Variants in COPS9 observed in about 807,000 individuals in gnomAD.
COPS9 encodes COP9 signalosome complex subunit 9.
A neutral mutation model predicts 7.2 loss-of-function variants in COPS9; 8 were observed. The ratio of observed to expected loss-of-function variants is 1.11; its 90% confidence interval spans 0.65 to 2.00. The LOEUF (loss-of-function observed/expected upper bound fraction) is 2.00, where lower values mean the gene tolerates loss of function less well. Ranked by LOEUF, COPS9 falls within the 30% of genes most tolerant of loss-of-function variation. COPS9 has a pLI of 0.00. For synonymous variants in COPS9, 39 were observed against 28.7 expected (o/e 1.36, Z -1.14); for missense variants, 74 against 77.7 (o/e 0.95, Z 0.18).
At chr2:240,129,772 C>T (rs764357661), downstream of COPS9, 83 of 660,694 alleles carry the variant, frequency 1.3e-4, 1 homozygote, top group Non-Finnish European at 1.4e-4. Flanking sequence ...CCACCCTCTC[C>T]AAGTGCAGAC....
chr2:240,133,705 C>T (rs946903093), intron 2 of COPS9, among the ~76,000 whole-genome samples: 1 of 152,220 alleles, frequency 6.6e-6, no homozygotes, highest in African/African-American at 2.4e-5. Flanking sequence ...TACTGGGCTG[C>T]AAGCTGGGAA....
At chr2:240,126,681 CTG>C (rs1263490376), downstream of COPS9, 5 of 1,614,208 alleles carry the variant, frequency 3.1e-6, no homozygotes, top group Non-Finnish European at 4.2e-6. Context: ...TGATATTGTG[CTG>C]TCTTCGCTGA....
chr2:240,135,337 A>G (rs2071965328), intron 1 of COPS9, among the ~76,000 whole-genome samples: 1 of 152,120 alleles, frequency 6.6e-6, no homozygotes, highest in South Asian at 2.1e-4. Context: ...GAGCCCCCTC[A>G]AAGCCCTGAG....
downstream of COPS9, chr2:240,129,808 C>A (rs2071902246): frequency 2.0e-6 from 2 of 1,008,074 alleles, no homozygotes; most frequent in Non-Finnish European, 3.0e-6. Flanking sequence ...CCGCTGGAAA[C>A]CCTGCTCCTC....
At chr2:240,133,605 T>C (rs1425063480) in intron 2 of COPS9, among the ~76,000 whole-genome samples, 1 of 152,330 alleles carries the variant, frequency 6.6e-6, no homozygotes, top group East Asian at 1.9e-4. Context: ...GGGGTTCCTA[T>C]GGCCGTGTGT....
At chr2:240,133,163 T>G (rs1470219076) in intron 2 of COPS9, among the ~76,000 whole-genome samples, 1 of 152,180 alleles carries the variant, frequency 6.6e-6, no homozygotes, top group Non-Finnish European at 1.5e-5. Flanking sequence ...AACAAGAGCT[T>G]TCTGTAGAGA....
intron 1 of COPS9, chr2:240,134,250 A>G: frequency 2.0e-6 from 1 of 499,910 alleles, no homozygotes; most frequent in African/African-American, 1.9e-5. Context: ...GCCTTTAAAA[A>G]AGAAACCTAC....
chr2:240,132,092 G>A lies in COPS9; in HGVS notation c.137-1004C>T, dbSNP rs78427272. On this transcript the variant is annotated intron_variant, in intron 2 of 2. Coordinates refer to ENST00000607357, the MANE Select transcript of COPS9 (RefSeq NM_001163424.2). The surrounding 1 kb of genome is among the most constrained non-coding windows in gnomAD (Gnocchi z 4.1). Reference sequence around the variant, plus strand: ...GGGCCTGGCTGACTCCACACCTTCCGACCTCTGCTCTGCTGCCCCCTCTGG... The same window carrying A: ...GGGCCTGGCTGACTCCACACCTTCCAACCTCTGCTCTGCTGCCCCCTCTGG... Among the ~76,000 whole-genome samples the A allele has an allele frequency of 0.06, 9,072 of 152,216 alleles. 394 individuals are homozygous for A. Among genetic ancestry groups the A allele is most frequent in the Admixed American group, 0.11 (1,727 of 15,290 alleles).
downstream of COPS9, chr2:240,130,739 C>G: frequency 1.7e-6 from 2 of 1,161,112 alleles, no homozygotes; most frequent in Non-Finnish European, 2.2e-6. Context: ...CTGACAGATG[C>G]ACGCACATGC....
downstream of COPS9, among the ~76,000 whole-genome samples, chr2:240,127,385 A>G (rs1037056947): frequency 4.0e-5 from 6 of 151,866 alleles, no homozygotes; most frequent in Admixed American, 1.3e-4. Context: ...TCTCTCAAAC[A>G]CACACTTCCT....
chr2:240,129,354 G>C (rs1430384004), downstream of COPS9, among the ~76,000 whole-genome samples: 1 of 152,086 alleles, frequency 6.6e-6, no homozygotes, highest in Non-Finnish European at 1.5e-5. Flanking sequence ...GTATAGAGAG[G>C]GGGGTCTCGT....
downstream of COPS9, chr2:240,126,701 C>T (rs753018738): frequency 6.2e-6 from 10 of 1,614,056 alleles, no homozygotes; most frequent in South Asian, 9.9e-5. Context: ...TGACCTCTCG[C>T]CTGCTTCTTG....
chr2:240,134,580 G>A (rs977204963), intron 1 of COPS9, among the ~76,000 whole-genome samples: 1 of 152,194 alleles, frequency 6.6e-6, no homozygotes. Context: ...ACCGGTGACA[G>A]AGGGAGCAGA....
At chr2:240,128,085 C>G (rs969882476), downstream of COPS9, among the ~76,000 whole-genome samples, 1 of 152,176 alleles carries the variant, frequency 6.6e-6, no homozygotes, top group African/African-American at 2.4e-5. Flanking sequence ...GCTGAGAGTC[C>G]GGGTGCTGAT....
intron 2 of COPS9, 126 bp downstream of exon 2, chr2:240,133,807 G>A: frequency 2.2e-6 from 2 of 892,198 alleles, no homozygotes; most frequent in Non-Finnish European, 3.6e-6. Context: ...ACTGCATTCT[G>A]AGAGGAGCGC....
chr2:240,131,178 T>C, intron 2 of COPS9, 90 bp from the exon 3 acceptor site: 2 of 1,360,784 alleles, frequency 1.5e-6, no homozygotes, highest in Non-Finnish European at 2.1e-6. Context: ...TAGTCCAAAA[T>C]ACAGAGATAA....
At chr2:240,135,605 A>G (rs2071968889) in intron 1 of COPS9, among the ~76,000 whole-genome samples, 2 of 152,312 alleles carry the variant, frequency 1.3e-5, no homozygotes, top group South Asian at 4.1e-4. Context: ...TGAACACAAT[A>G]GAGACCAACA....
downstream of COPS9, chr2:240,129,885 C>T: frequency 3.1e-6 from 5 of 1,599,118 alleles, no homozygotes; most frequent in Non-Finnish European, 4.3e-6. Flanking sequence ...CCAGTGCAGA[C>T]CTTCTTACAG....
At chr2:240,131,552 C>A in intron 2 of COPS9, among the ~76,000 whole-genome samples, 1 of 152,214 alleles carries the variant, frequency 6.6e-6, no homozygotes, top group East Asian at 1.9e-4. Flanking sequence ...GAAAGCCGGG[C>A]TAGGCTGCAG....
Sources: gnomAD v4.1 joint callset for allele counts (sites outside exome capture counted in the v4.1 genomes callset) on GRCh38, gnomAD v4.1.1 for gene constraint, Gnocchi (gnomAD v3.1) non-coding constraint, MANE v1.5 for transcripts, NCBI Gene and HGNC (gene_info 2026-07-23, HGNC 2026-07-21) for gene names.